MARCHF7: variants seen among roughly 807,000 people sequenced by gnomAD.
MARCHF7 encodes the protein membrane associated ring-CH-type finger 7.
In MARCHF7, 20 loss-of-function variants were observed where a neutral mutation model predicts 76.5. That is an observed-to-expected ratio of 0.26 (90% CI 0.18 to 0.38). The LOEUF is 0.38. Ranked by LOEUF, MARCHF7 falls within the 10% of genes least tolerant of loss-of-function variation. MARCHF7 has a pLI of 1.00. For synonymous variants in MARCHF7, 295 were observed against 293.0 expected (o/e 1.01, Z -0.07); for missense variants, 797 against 812.9 (o/e 0.98, Z 0.24).
chr2:159,719,176 T>C (rs1162355238), intron 3 of MARCHF7, among the ~76,000 whole-genome samples: 2 of 152,148 alleles, frequency 1.3e-5, no homozygotes, highest in African/African-American at 2.4e-5. Context: ...AGACGAGGTT[T>C]CACCGTGTTG....
At chr2:159,752,334 T>G in intron 7 of MARCHF7, 68 bp from the exon 8 acceptor site, 3 of 1,378,510 alleles carry the variant, frequency 2.2e-6, no homozygotes. Flanking sequence ...AGCTTGTGAT[T>G]ATGTATGACT....
At chr2:159,762,595 T>A (rs16844306) in intron 9 of MARCHF7, among the ~76,000 whole-genome samples, 11,319 of 152,232 alleles carry the variant, frequency 0.074, 866 homozygotes, top group African/African-American at 0.19. Flanking sequence ...ATCTATGAGC[T>A]TTATAGAAAA....
chr2:159,722,699 T>A (rs890737910), intron 3 of MARCHF7, among the ~76,000 whole-genome samples: 1 of 152,214 alleles, frequency 6.6e-6, no homozygotes, highest in Non-Finnish European at 1.5e-5. Context: ...GGACTGCACA[T>A]TTTTGTTTTT....
intron 4 of MARCHF7, among the ~76,000 whole-genome samples, chr2:159,741,058 T>C: frequency 6.6e-6 from 1 of 151,798 alleles, no homozygotes; most frequent in East Asian, 1.9e-4. Context: ...TAATAGAAAA[T>C]AAAGTATAAA....
At chr2:159,762,604 A>C (rs1707242519) in intron 9 of MARCHF7, among the ~76,000 whole-genome samples, 1 of 152,228 alleles carries the variant, frequency 6.6e-6, no homozygotes, top group African/African-American at 2.4e-5. Flanking sequence ...CTTTATAGAA[A>C]ACCAAAGCAT....
intron 7 of MARCHF7, among the ~76,000 whole-genome samples, chr2:159,749,275 G>T (rs1705309753): frequency 6.6e-6 from 1 of 152,028 alleles, no homozygotes; most frequent in Non-Finnish European, 1.5e-5. Context: ...ACTGTGCCCA[G>T]CCTAAAACTC....
At chr2:159,730,958 C>T (rs1212862967) in intron 4 of MARCHF7, among the ~76,000 whole-genome samples, 1 of 152,118 alleles carries the variant, frequency 6.6e-6, no homozygotes, top group Non-Finnish European at 1.5e-5. Flanking sequence ...GGTGCAATCA[C>T]GGCTCACTAC....
At chr2:159,733,869 A>C (rs1703122736) in intron 4 of MARCHF7, 1 of 1,198,150 alleles carries the variant, frequency 8.3e-7, no homozygotes, top group Non-Finnish European at 1.0e-6. Flanking sequence ...CTTGAGCTTA[A>C]GAATCCAAGA....
In MARCHF7 at chr2:159,748,611, C is replaced by T. The variant is rs1705188725; in HGVS notation, c.1321C>T (p.Leu441Phe). ...TCACCTTGAAGCACAGAATGATCCT[C>T]TTGGAGCTGCTGCCAACAGACCACA... ...VVHLEAQNDP[L>F]GAAANRPQAS... The change falls in exon 7 of 12, where the codon CTT becomes TTT. Residue 441 changes from leucine to phenylalanine, a missense_variant. Leu to Phe is a conservative substitution (Grantham distance 22). Transcript: ENST00000409175. The T allele has an allele frequency of 1.2e-6, 2 of 1,614,108 alleles. No homozygotes were observed. Among genetic ancestry groups the T allele is most frequent in the Non-Finnish European group, 1.7e-6 (2 of 1,180,050 alleles).
At chr2:159,758,244 A>G (rs190948615) in intron 8 of MARCHF7, among the ~76,000 whole-genome samples, 1 of 152,362 alleles carries the variant, frequency 6.6e-6, no homozygotes, top group Admixed American at 6.5e-5. Context: ...ACACAAGACT[A>G]CTACCTACCA....
intron 3 of MARCHF7, among the ~76,000 whole-genome samples, chr2:159,717,342 A>G (rs1327495578): frequency 6.6e-6 from 1 of 152,222 alleles, no homozygotes; most frequent in African/African-American, 2.4e-5. Flanking sequence ...TCTTTAGACC[A>G]CTATAAGAAT....
intron 4 of MARCHF7, among the ~76,000 whole-genome samples, chr2:159,738,364 T>C (rs1435837800): frequency 3.3e-5 from 5 of 151,450 alleles, no homozygotes; most frequent in Non-Finnish European, 5.9e-5. Context: ...GCATGGTGAG[T>C]GGGGGGTAGG....
chr2:159,727,546 C>T (rs1204870094), intron 3 of MARCHF7, among the ~76,000 whole-genome samples: 1 of 152,160 alleles, frequency 6.6e-6, no homozygotes, highest in Non-Finnish European at 1.5e-5. Flanking sequence ...CGAGATCGTG[C>T]CACTTCACTC....
At position 159,745,765 on chromosome 2, in the gene MARCHF7, T is replaced by G. The variant is rs1704793226; in HGVS notation, c.347-5T>G. 2 of 1,587,038 alleles carry G rather than the reference T, an allele frequency of 1.3e-6. No individual in the cohort carries two copies. The highest frequency in any genetic ancestry group is 4.5e-5 in the East Asian group (2 of 44,162). ...CTGAAATAAAACTTCTTCATTTATT[T>G]TAAGATTCATCTTGGAGGCATAGTC... On this transcript the variant is annotated splice_region_variant and splice_polypyrimidine_tract_variant and intron_variant, in intron 5 of 11. Coordinates refer to ENST00000409175, the MANE Select transcript of MARCHF7 (RefSeq NM_001282805.2).
Position 159,752,557 on chromosome 2 carries a change from C to T in MARCHF7, c.1769C>T (p.Ala590Val). The part of the protein sequence containing the change: ...HQDCMKKWLQ[A>V]KINSGSSLEA... ...GACTGTATGAAAAAGTGGTTACAGG[C>T]CAAAATTAACTCTGGTAAGATTTAC... Residue 590 changes from alanine to valine, a missense_variant, in exon 8 of 12, where the codon GCC becomes GTC. By Grantham distance (64) the Ala-to-Val change is moderately conservative. Transcript: ENST00000409175. The T allele has an allele frequency of 6.6e-7, 1 of 1,517,962 alleles. No individual in the cohort carries two copies. The highest frequency in any genetic ancestry group is 2.5e-5 in the East Asian group (1 of 40,020). The allele number at this position is 1,517,962 out of a possible 1,614,324, so 94.0% of individuals were successfully genotyped here.
At chr2:159,767,172 C>T (rs772108805) in intron 11 of MARCHF7, 112 bp from the exon 12 acceptor site, 3 of 753,542 alleles carry the variant, frequency 4.0e-6, no homozygotes, top group Non-Finnish European at 6.8e-6. Flanking sequence ...AAACAATATA[C>T]TAAATTGGGA....
intron 4 of MARCHF7, among the ~76,000 whole-genome samples, chr2:159,731,852 C>T (rs1702835922): frequency 6.6e-6 from 1 of 152,082 alleles, no homozygotes. Context: ...CGCCTGTAAT[C>T]CCAGCACTTT....
intron 9 of MARCHF7, among the ~76,000 whole-genome samples, chr2:159,761,406 C>CTTTTCTTTTT (rs1707065139): frequency 1.4e-5 from 1 of 73,778 alleles, no homozygotes; most frequent in Admixed American, 2.5e-4. Flanking sequence ...TGAATCATTT[C>CTTTTCTTTTT]TTTTTTTTTT....
chr2:159,724,989 A>G (rs907644083), intron 3 of MARCHF7, among the ~76,000 whole-genome samples: 35 of 152,144 alleles, frequency 2.3e-4, no homozygotes, highest in Admixed American at 6.5e-4. Context: ...AGCTTCATCT[A>G]TGTCCCTACA....
Sources: gnomAD v4.1 joint callset for allele counts (sites outside exome capture counted in the v4.1 genomes callset) on GRCh38, gnomAD v4.1.1 for gene constraint, MANE v1.5 for transcripts, NCBI Gene and HGNC (gene_info 2026-07-23, HGNC 2026-07-21) for gene names.